The following ENOSF1 variants were observed in gnomAD, a reference collection of about 807,000 sequenced individuals.
The protein encoded by ENOSF1 is enolase superfamily member 1.
ENOSF1 carries 73 observed loss-of-function variants against 68.2 expected under a neutral mutation model. That is an observed-to-expected ratio of 1.07 (90% CI 0.89 to 1.30). ENOSF1 has a LOEUF of 1.30. Ranked by LOEUF, ENOSF1 falls within the 50% of genes most tolerant of loss-of-function variation. The probability of loss-of-function intolerance (pLI) is 0.00; values close to 1 mark genes in which losing one functional copy is unlikely to be tolerated. For missense variants in ENOSF1, 589 were observed against 554.5 expected, an observed-to-expected ratio of 1.06 and a Z score of -0.62; for synonymous variants, 223 against 210.4, an observed-to-expected ratio of 1.06 and a Z score of -0.52.
intron 11 of ENOSF1, chr18:682,957 C>A: frequency 3.4e-6 from 1 of 295,582 alleles, no homozygotes. Flanking sequence ...TCTGTATTTA[C>A]AAAGCATAGG....
chr18:668,164 T>C (rs1393277940), downstream of ENOSF1, among the ~76,000 whole-genome samples: 1 of 152,070 alleles, frequency 6.6e-6, no homozygotes, highest in African/African-American at 2.4e-5. Context: ...TATTTGCAAT[T>C]TTAGCACGTG....
chr18:674,505 G>T, intron 15 of ENOSF1, 99 bp from the exon 16 acceptor site: 2 of 748,604 alleles, frequency 2.7e-6, no homozygotes, highest in Non-Finnish European at 4.4e-6. Flanking sequence ...TTACGTCTAA[G>T]CCAGAGGCAA....
At chr18:678,871 G>T in intron 11 of ENOSF1, 134 bp from the exon 12 acceptor site, 1 of 869,470 alleles carries the variant, frequency 1.2e-6, no homozygotes, top group South Asian at 1.5e-5. Context: ...ACTGGCAAAG[G>T]ATGTCCAGGG....
At chr18:705,462 C>T (rs2078827456) in intron 2 of ENOSF1, among the ~76,000 whole-genome samples, 1 of 152,170 alleles carries the variant, frequency 6.6e-6, no homozygotes, top group African/African-American at 2.4e-5. Context: ...GTCTGTGCCT[C>T]AGTTTTCTTC....
intron 2 of ENOSF1, among the ~76,000 whole-genome samples, chr18:700,685 G>A (rs2078245589): frequency 6.6e-6 from 1 of 151,940 alleles, no homozygotes; most frequent in African/African-American, 2.4e-5. Context: ...AGGAGTATGA[G>A]ATCAACCTGA....
intron 11 of ENOSF1, among the ~76,000 whole-genome samples, chr18:680,757 C>G (rs575911060): frequency 2.7e-5 from 4 of 148,448 alleles, no homozygotes; most frequent in African/African-American, 1.0e-4. Context: ...CTTGGCTTAC[C>G]GTAACCTCCA....
At chr18:684,177 A>G (rs140176391) in intron 10 of ENOSF1, among the ~76,000 whole-genome samples, 2,709 of 151,410 alleles carry the variant, frequency 0.018, 80 homozygotes, top group African/African-American at 0.062. Context: ...TTGTATTTTT[A>G]GTAGAGACGG....
At chr18:688,869 ATC>A (rs984614159) in intron 8 of ENOSF1, among the ~76,000 whole-genome samples, 2 of 152,002 alleles carry the variant, frequency 1.3e-5, no homozygotes, top group Non-Finnish European at 2.9e-5. Flanking sequence ...GATAGCACTG[ATC>A]TCTCTCTTTT....
At chr18:705,777 G>A (rs561288631) in intron 2 of ENOSF1, among the ~76,000 whole-genome samples, 1 of 152,256 alleles carries the variant, frequency 6.6e-6, no homozygotes, top group South Asian at 2.1e-4. Context: ...GCGAGGCTGA[G>A]ACAGGCGGAT....
chr18:696,366 C>T (rs764449431), intron 3 of ENOSF1, among the ~76,000 whole-genome samples: 3 of 151,988 alleles, frequency 2.0e-5, no homozygotes, highest in Non-Finnish European at 2.9e-5. Flanking sequence ...CGCCCGCCAC[C>T]ATGCCCGGCT....
At chr18:707,468 T>C (rs1443278491) in intron 1 of ENOSF1, 1 of 152,232 alleles carries the variant, frequency 6.6e-6, no homozygotes, top group East Asian at 1.9e-4. Flanking sequence ...ATCTCACTTA[T>C]AGCAGTTTAT....
At chr18:703,737 T>A (rs190919695) in intron 2 of ENOSF1, among the ~76,000 whole-genome samples, 2 of 152,242 alleles carry the variant, frequency 1.3e-5, no homozygotes, top group African/African-American at 4.8e-5. Context: ...AGTTACCCCC[T>A]GAGATGGTTT....
Position 677,683 on chromosome 18 carries a change from G to C in ENOSF1, c.1048+60C>G, listed in dbSNP as rs888162018. 8.3e-6 allele frequency: 13 copies of C among 1,566,288 alleles called. No individual in the cohort carries two copies. The African/African-American group carries it at 1.8e-4, about 21-fold the overall frequency. On this transcript the variant is annotated intron_variant, in intron 13 of 15. Coordinates refer to ENST00000647584, the MANE Select transcript of ENOSF1 (RefSeq NM_017512.7). The stretch of plus-strand genomic sequence containing the variant: ...TGCATGTGAATTGCAAACCATCAAG[G>C]GAGGTGTCTGATTAGTGGGGAAATG...
chr18:705,307 G>A (rs1419350641), intron 2 of ENOSF1, among the ~76,000 whole-genome samples: 1 of 152,168 alleles, frequency 6.6e-6, no homozygotes, highest in Non-Finnish European at 1.5e-5. Flanking sequence ...CACTGAAATT[G>A]ATCTGGCGAA....
At chr18:685,592 C>T (rs1481764105) in intron 10 of ENOSF1, among the ~76,000 whole-genome samples, 1 of 152,168 alleles carries the variant, frequency 6.6e-6, no homozygotes, top group Non-Finnish European at 1.5e-5. Context: ...GGCCCCCTGA[C>T]ACCCTCCTAC....
In ENOSF1 at chr18:690,595, G is replaced by C; in HGVS notation, c.572C>G (p.Thr191Arg). 1 of 1,613,882 alleles carries C rather than the reference G, an allele frequency of 6.2e-7. No individual in the cohort carries two copies. The highest frequency in any genetic ancestry group is 8.5e-7 in the Non-Finnish European group (1 of 1,180,028). ...GTACCCCAGCCAGGCGCACGATGTC[G>C]TGTAAGCAGGGTATCCTTGTGCCAG... ...QMLAQGYPAY[T>R]TSCAWLGYSD... The change falls in exon 8 of 16, where the codon ACG becomes AGG. Residue 191 changes from threonine (T) to arginine (R), a missense_variant. Coordinates refer to ENST00000647584, the MANE Select transcript of ENOSF1 (RefSeq NM_017512.7).
intron 2 of ENOSF1, among the ~76,000 whole-genome samples, chr18:703,869 T>C (rs985555421): frequency 6.6e-6 from 1 of 152,214 alleles, no homozygotes; most frequent in Admixed American, 6.5e-5. Flanking sequence ...ACTATCCCAT[T>C]GGTACTGTCT....
chr18:701,022 A>G lies in ENOSF1; in HGVS notation c.194-3667T>C, dbSNP rs559869816. 2.0e-5 allele frequency among the ~76,000 whole-genome samples: 3 copies of G among 151,430 alleles called. No individual in the cohort carries two copies. The East Asian group carries it at 5.8e-4, about 29-fold the overall frequency. ...CCGGGGGGTTTTCTCTTGTGATTCTATCTGCTCAGGGACTTCAATTCTCTG... is the reference window on the plus strand; with the variant it reads ...CCGGGGGGTTTTCTCTTGTGATTCTGTCTGCTCAGGGACTTCAATTCTCTG... On this transcript the variant is annotated intron_variant, in intron 2 of 15. Transcript: ENST00000647584.
chr18:711,929 A>G (rs543970604), intron 1 of ENOSF1, among the ~76,000 whole-genome samples: 13 of 152,290 alleles, frequency 8.5e-5, no homozygotes, highest in African/African-American at 3.1e-4. Flanking sequence ...CAAGTCACAC[A>G]GCAAGTTGTG....
Sources: allele counts gnomAD v4.1 joint callset (sites outside exome capture counted in the v4.1 genomes callset), GRCh38; gene constraint gnomAD v4.1.1; transcripts MANE v1.5; gene names NCBI Gene and HGNC (gene_info 2026-07-23, HGNC 2026-07-21).